ROBO1: variants seen among roughly 807,000 people sequenced by gnomAD.
ROBO1 encodes roundabout guidance receptor 1.
In ROBO1, 149 loss-of-function variants were observed where a neutral mutation model predicts 195.9. That is an observed-to-expected ratio of 0.76 (90% confidence interval 0.67 to 0.87). The LOEUF is 0.87. Ranked by LOEUF, ROBO1 falls within the 40% of genes least tolerant of loss-of-function variation. ROBO1 has a pLI of 0.00. For missense variants in ROBO1, 1,933 were observed against 2,068.3 expected (o/e 0.93, Z 1.27); for synonymous variants, 816 against 733.2 (o/e 1.11, Z -1.82).
intron 5 of ROBO1, among the ~76,000 whole-genome samples, chr3:78,738,714 TC>T (rs2082451742): frequency 6.6e-6 from 1 of 152,272 alleles, no homozygotes; most frequent in East Asian, 1.9e-4. Flanking sequence ...TGGTTGGTTT[TC>T]CTAGGTAAGG....
intron 4 of ROBO1, among the ~76,000 whole-genome samples, chr3:78,837,230 C>T (rs1023413795): frequency 1.3e-5 from 2 of 152,034 alleles, no homozygotes; most frequent in Non-Finnish European, 1.5e-5. Flanking sequence ...TATAACCATT[C>T]CTAACGTAAG....
Position 79,290,283 on chromosome 3 carries a change from C to T in ROBO1, c.89-164744G>A, listed in dbSNP as rs548766945. 9.2e-5 allele frequency among the ~76,000 whole-genome samples: 14 copies of T among 152,132 alleles called. 1 individual carries two copies. In the South Asian group the frequency reaches 2.5e-3, roughly 27 times the overall value. ...CCCTGACCTCGTGATCCACCCGCCT[C>T]GGCCTCCCAAAGTGCTGGGATTACA... On this transcript the variant is annotated intron_variant, in intron 2 of 30. Coordinates refer to ENST00000464233, the MANE Select transcript of ROBO1 (RefSeq NM_002941.4).
chr3:78,699,735 G>T (rs915948907), intron 8 of ROBO1, among the ~76,000 whole-genome samples: 1 of 151,642 alleles, frequency 6.6e-6, no homozygotes, highest in Non-Finnish European at 1.5e-5. Context: ...GTGTCTTCTC[G>T]TATCACCTCT....
chr3:78,942,977 G>A (rs1369063493), intron 3 of ROBO1, among the ~76,000 whole-genome samples: 1 of 151,886 alleles, frequency 6.6e-6, no homozygotes, highest in Non-Finnish European at 1.5e-5. Flanking sequence ...GACTTCGGGA[G>A]GCCAAGGCGG....
At chr3:79,210,453 T>C (rs1160739948) in intron 2 of ROBO1, among the ~76,000 whole-genome samples, 2 of 152,210 alleles carry the variant, frequency 1.3e-5, no homozygotes, top group Non-Finnish European at 2.9e-5. Flanking sequence ...CTCAGATAAC[T>C]GGCAAGCCAT....
Position 79,638,423 on chromosome 3 carries a change from C to T in ROBO1, c.-50-48462G>A, listed in dbSNP as rs192911180. ...TTTTATTTTTTGAGACAGAGTCTTGCTCTGTCACCCAGGCTGGAGTGCAGT... is the reference window on the plus strand; with the variant it reads ...TTTTATTTTTTGAGACAGAGTCTTGTTCTGTCACCCAGGCTGGAGTGCAGT... On this transcript the variant is annotated intron_variant, in intron 1 of 30. Coordinates refer to ENST00000464233, the MANE Select transcript of ROBO1 (RefSeq NM_002941.4). 5.0e-3 allele frequency among the ~76,000 whole-genome samples: 764 copies of T among 152,196 alleles called. 4 individuals carry two copies. Among genetic ancestry groups the T allele is most frequent in the Admixed American group, 0.015 (224 of 15,280 alleles).
intron 3 of ROBO1, among the ~76,000 whole-genome samples, chr3:79,015,256 C>T (rs906922103): frequency 1.3e-5 from 2 of 152,046 alleles, no homozygotes; most frequent in Non-Finnish European, 2.9e-5. Flanking sequence ...AACTACACAA[C>T]AATCTTACCA....
chr3:78,961,941 GTTTTTTT>G (rs74866184), intron 3 of ROBO1, among the ~76,000 whole-genome samples: 1 of 141,732 alleles, frequency 7.1e-6, no homozygotes, highest in African/African-American at 2.6e-5. Context: ...TTTGTTTTTT[GTTTTTTT>G]TTTTTACCTC....
chr3:79,017,452 T>TGC lies in ROBO1; in HGVS notation c.173-78526_173-78525insGC, dbSNP rs1462223368. ...TGACTATAAAAATTCCGAGGTGCAG[T>TGC]GTGTGTGTGTGTGTGTGTGTGTGTG... On this transcript the variant is annotated intron_variant, in intron 3 of 30. Transcript: ENST00000464233. 5.1e-5 allele frequency among the ~76,000 whole-genome samples: 6 copies of TGC among 117,988 alleles called. No homozygotes were observed. In the Admixed American group the frequency reaches 5.2e-4, roughly 10 times the overall value. The allele number at this position is 117,988 out of a possible 152,430, so 77.4% of individuals were successfully genotyped here. A position where few individuals can be genotyped will look rare whatever the true frequency, so the allele number is the denominator to read the frequency against.
At chr3:79,340,782 T>C (rs2034876347) in intron 2 of ROBO1, among the ~76,000 whole-genome samples, 1 of 152,140 alleles carries the variant, frequency 6.6e-6, no homozygotes, top group Non-Finnish European at 1.5e-5. Flanking sequence ...TGCAGAGTGC[T>C]AAAATAGAAA....
intron 2 of ROBO1, among the ~76,000 whole-genome samples, chr3:79,401,187 T>TA (rs1258323501): frequency 8.6e-5 from 13 of 151,322 alleles, no homozygotes; most frequent in Non-Finnish European, 1.8e-4. Context: ...CTGATTTTTT[T>TA]AAAAAAAAAT....
chr3:79,756,947 G>A (rs1034387748), intron 1 of ROBO1, among the ~76,000 whole-genome samples: 6 of 151,988 alleles, frequency 3.9e-5, no homozygotes, highest in Non-Finnish European at 7.4e-5. Flanking sequence ...TTATCATAAT[G>A]TTTTCAAAGT....
chr3:78,752,868 C>T (rs933823281), intron 4 of ROBO1, among the ~76,000 whole-genome samples: 3 of 152,014 alleles, frequency 2.0e-5, no homozygotes, highest in South Asian at 2.1e-4. Flanking sequence ...GAATATTCTA[C>T]AATAAGTATG....
chr3:78,689,668 G>T (rs2081128226), intron 8 of ROBO1, among the ~76,000 whole-genome samples: 1 of 151,896 alleles, frequency 6.6e-6, no homozygotes, highest in African/African-American at 2.4e-5. Context: ...CTCCTCTCTT[G>T]TCTCGGTTTA....
intron 2 of ROBO1, among the ~76,000 whole-genome samples, chr3:79,461,960 A>G (rs1937662462): frequency 6.6e-6 from 1 of 152,094 alleles, no homozygotes; most frequent in South Asian, 2.1e-4. Context: ...CAATCTATCA[A>G]TCTATTTATA....
chr3:79,723,357 G>A (rs558087044), intron 1 of ROBO1, among the ~76,000 whole-genome samples: 2 of 152,114 alleles, frequency 1.3e-5, no homozygotes, highest in Non-Finnish European at 2.9e-5. Context: ...GTGAGTTGAT[G>A]TTCCCTCCAG....
At chr3:78,917,191 G>C (rs2038661235) in intron 4 of ROBO1, among the ~76,000 whole-genome samples, 1 of 144,970 alleles carries the variant, frequency 6.9e-6, no homozygotes, top group South Asian at 2.3e-4. Context: ...CTGCCTCCCG[G>C]GTTCAAGCGA....
intron 4 of ROBO1, among the ~76,000 whole-genome samples, chr3:78,811,633 G>T (rs949128073): frequency 9.2e-5 from 14 of 151,834 alleles, no homozygotes; most frequent in African/African-American, 3.4e-4. Context: ...TCCATCTCTT[G>T]ACCTCCCATA....
intron 2 of ROBO1, among the ~76,000 whole-genome samples, chr3:79,524,037 A>G (rs1941325065): frequency 6.6e-6 from 1 of 152,124 alleles, no homozygotes; most frequent in Non-Finnish European, 1.5e-5. Context: ...TACTTGCATG[A>G]AAAAACATTT....
Sources: allele counts gnomAD v4.1 joint callset (sites outside exome capture counted in the v4.1 genomes callset), GRCh38; gene constraint gnomAD v4.1.1; transcripts MANE v1.5; gene names NCBI Gene and HGNC (gene_info 2026-07-23, HGNC 2026-07-21).